The following KANSL1 variants were observed in gnomAD, a reference collection of about 807,000 sequenced individuals.
KANSL1 encodes the protein KAT8 regulatory NSL complex subunit 1.
Under a neutral mutation model 103.6 loss-of-function variants are expected in KANSL1, and 22 were observed. That is an observed-to-expected ratio of 0.21 (90% CI 0.15 to 0.30). The LOEUF (loss-of-function observed/expected upper bound fraction) is 0.30. Among genes scored for constraint, KANSL1 ranks in the 10% least tolerant of loss-of-function variants. The pLI is 1.00. For missense variants in KANSL1, 1,337 were observed against 1,399.8 expected (o/e 0.96, Z 0.72); for synonymous variants, 600 against 527.6 (o/e 1.14, Z -1.88).
At chr17:46,119,104 C>T (rs1194069066) in intron 2 of KANSL1, among the ~76,000 whole-genome samples, 1 of 152,216 alleles carries the variant, frequency 6.6e-6, no homozygotes, top group African/African-American at 2.4e-5. Context: ...TTGCTGAATG[C>T]TTCCTTTGTT....
chr17:46,188,203 C>A (rs1055690020), intron 1 of KANSL1, among the ~76,000 whole-genome samples: 56 of 152,324 alleles, frequency 3.7e-4, no homozygotes, highest in Non-Finnish European at 3.5e-4. Context: ...CTTCTGATAG[C>A]CTTCAAACGC....
intron 2 of KANSL1, among the ~76,000 whole-genome samples, chr17:46,119,083 C>T (rs750141721): frequency 6.6e-6 from 1 of 152,216 alleles, no homozygotes; most frequent in Non-Finnish European, 1.5e-5. Context: ...GGATCCTATA[C>T]ATAGCAGCTT....
chr17:46,135,539 T>C (rs1245395246), intron 2 of KANSL1, among the ~76,000 whole-genome samples: 1 of 135,310 alleles, frequency 7.4e-6, no homozygotes, highest in Non-Finnish European at 1.5e-5. Context: ...CCCTCAACTA[T>C]ACATTTTTTT....
intron 1 of KANSL1, among the ~76,000 whole-genome samples, chr17:46,179,398 T>C (rs1280869313): frequency 6.6e-6 from 1 of 152,192 alleles, no homozygotes; most frequent in Non-Finnish European, 1.5e-5. Context: ...TGCAAAAATA[T>C]TTAGCTGCAG....
chr17:46,145,918 A>C (rs1166595706), intron 2 of KANSL1, among the ~76,000 whole-genome samples: 1 of 152,142 alleles, frequency 6.6e-6, no homozygotes, highest in Non-Finnish European at 1.5e-5. Flanking sequence ...TAGTAGAGAC[A>C]GGGTTTCACC....
At chr17:46,102,541 C>G (rs900996934) in intron 2 of KANSL1, among the ~76,000 whole-genome samples, 2 of 152,162 alleles carry the variant, frequency 1.3e-5, no homozygotes, top group African/African-American at 2.4e-5. Flanking sequence ...TGAGCCACAG[C>G]ACCCAGCCCC....
intron 1 of KANSL1, among the ~76,000 whole-genome samples, chr17:46,220,779 C>T (rs1263014791): frequency 2.6e-5 from 4 of 152,212 alleles, no homozygotes; most frequent in Admixed American, 2.0e-4. Flanking sequence ...CTCCGTCTCC[C>T]GGGCTCAAGC....
At chr17:46,051,070 C>T (rs961304263) in intron 6 of KANSL1, among the ~76,000 whole-genome samples, 4 of 152,170 alleles carry the variant, frequency 2.6e-5, no homozygotes, top group South Asian at 2.1e-4. Flanking sequence ...CTTGATGGTC[C>T]GCTAAGACGA....
chr17:46,181,473 A>C (rs2046789493), intron 1 of KANSL1, among the ~76,000 whole-genome samples: 1 of 151,522 alleles, frequency 6.6e-6, no homozygotes, highest in Non-Finnish European at 1.5e-5. Flanking sequence ...CTTGTCCCCC[A>C]GGCTGGAGTG....
chr17:46,177,276 G>T (rs1442521053), intron 1 of KANSL1, among the ~76,000 whole-genome samples: 1 of 152,136 alleles, frequency 6.6e-6, no homozygotes, highest in Non-Finnish European at 1.5e-5. Context: ...TATTACACTG[G>T]AAACAAAAAG....
intron 2 of KANSL1, among the ~76,000 whole-genome samples, chr17:46,155,755 T>TAAA (rs112992686): frequency 1.4e-4 from 21 of 148,368 alleles, no homozygotes; most frequent in Non-Finnish European, 2.1e-4. Flanking sequence ...TACAGTCTAT[T>TAAA]AAAAAAAAAA....
chr17:46,153,457 C>T (rs1425537767), intron 2 of KANSL1, among the ~76,000 whole-genome samples: 1 of 152,178 alleles, frequency 6.6e-6, no homozygotes, highest in African/African-American at 2.4e-5. Flanking sequence ...AATAAAGCCA[C>T]AGAAACATAT....
intron 2 of KANSL1, among the ~76,000 whole-genome samples, chr17:46,153,549 C>A (rs915741832): frequency 1.3e-5 from 2 of 152,180 alleles, no homozygotes; most frequent in African/African-American, 4.8e-5. Flanking sequence ...GTTTCGTGTA[C>A]ATGACTTTTA....
chr17:46,070,986 A>T (rs1266731276), intron 4 of KANSL1, among the ~76,000 whole-genome samples: 4 of 152,218 alleles, frequency 2.6e-5, no homozygotes, highest in African/African-American at 9.6e-5. Context: ...TACAAAGTCT[A>T]AAGAAGAATA....
intron 2 of KANSL1, among the ~76,000 whole-genome samples, chr17:46,107,135 G>A (rs1351489100): frequency 6.6e-6 from 1 of 152,198 alleles, no homozygotes; most frequent in African/African-American, 2.4e-5. Context: ...ATCTCAGACA[G>A]GCTCATTCCC....
rs140670092 is a variant in KANSL1 at position 46,031,665 on chromosome 17, C to T, written c.3129G>A (p.Ala1043=). The change falls in exon 15 of 15, where the codon GCG becomes GCA. Residue 1043 remains alanine, a synonymous_variant. Coordinates refer to ENST00000432791, the MANE Select transcript of KANSL1 (RefSeq NM_015443.4). ...QPWERRTFPL[A]HSPQAECEDQ... ...CCTCACACTCCGCCTGGGGACTGTG[C>T]GCCAGGGGGAAGGTCCGCCGCTCCC... 4.3e-5 allele frequency: 70 copies of T among 1,610,396 alleles called. 1 individual carries two copies. The South Asian group carries it at 6.3e-4, about 14-fold the overall frequency.
intron 4 of KANSL1, among the ~76,000 whole-genome samples, chr17:46,071,127 G>T (rs934176459): frequency 2.0e-5 from 3 of 152,094 alleles, no homozygotes; most frequent in African/African-American, 7.2e-5. Flanking sequence ...GAATGTTATT[G>T]ATTTTCTTAT....
rs1209737963 is a variant in KANSL1, at chr17:46,125,787, T to C, written c.1290-31086A>G. Among the ~76,000 whole-genome samples the C allele has an allele frequency of 3.3e-5, 5 of 152,184 alleles. No homozygotes were observed. In the South Asian group the frequency reaches 6.2e-4, roughly 19 times the overall value. On this transcript the variant is annotated intron_variant, in intron 2 of 14. Transcript: ENST00000432791. The stretch of plus-strand genomic sequence containing the variant: ...TCACTAGTAACAGATTCTACCATCA[T>C]TGTTGTCCATTTCATTTCCATTCTC...
intron 2 of KANSL1, among the ~76,000 whole-genome samples, chr17:46,141,565 T>G (rs924931736): frequency 6.6e-6 from 1 of 152,212 alleles, no homozygotes; most frequent in African/African-American, 2.4e-5. Context: ...GCAGAAAATC[T>G]GGGTGCGAAA....
Sources: allele counts gnomAD v4.1 joint callset (sites outside exome capture counted in the v4.1 genomes callset), GRCh38; gene constraint gnomAD v4.1.1; transcripts MANE v1.5; gene names NCBI Gene and HGNC (gene_info 2026-07-23, HGNC 2026-07-21).